Variants in GLIS3 observed in about 807,000 individuals in gnomAD.
GLIS3 encodes the protein zinc finger protein GLIS3.
A neutral mutation model predicts 78.6 loss-of-function variants in GLIS3; 53 were observed. The ratio of observed to expected loss-of-function variants is 0.67; its 90% confidence interval spans 0.54 to 0.85. The LOEUF is 0.85. Ranked by LOEUF, GLIS3 falls within the 40% of genes least tolerant of loss-of-function variation. The pLI is 0.00. For synonymous variants in GLIS3, 684 were observed against 509.9 expected, an observed-to-expected ratio of 1.34 and a Z score of -4.60; for missense variants, 1,703 against 1,231.1, an observed-to-expected ratio of 1.38 and a Z score of -5.74.
At chr9:3,954,603 A>G (rs1414075900) in intron 4 of GLIS3, among the ~76,000 whole-genome samples, 1 of 152,236 alleles carries the variant, frequency 6.6e-6, no homozygotes, top group Non-Finnish European at 1.5e-5. Context: ...CAAATTTCCT[A>G]CAGTATTCAA....
intron 2 of GLIS3, among the ~76,000 whole-genome samples, chr9:4,339,692 C>G (rs1159868296): frequency 7.1e-6 from 1 of 140,332 alleles, no homozygotes; most frequent in Non-Finnish European, 1.5e-5. Context: ...AGTGACATTT[C>G]AAAGCCAGAT....
chr9:4,489,717 T>A, the GLIS3 span, among the ~76,000 whole-genome samples: 1 of 152,164 alleles, frequency 6.6e-6, no homozygotes, highest in African/African-American at 2.4e-5. Flanking sequence ...CGGGTCCGGT[T>A]CTCAGTTCTA....
chr9:4,338,116 A>G (rs1817779420), intron 2 of GLIS3, among the ~76,000 whole-genome samples: 1 of 151,914 alleles, frequency 6.6e-6, no homozygotes, highest in Non-Finnish European at 1.5e-5. Flanking sequence ...TTCTTTTCAC[A>G]GGAGTCAGGA....
chr9:4,464,859 A>G, the GLIS3 span, among the ~76,000 whole-genome samples: 13 of 152,242 alleles, frequency 8.5e-5, no homozygotes, highest in Admixed American at 5.9e-4. Flanking sequence ...TTCACATTTG[A>G]GTTTAAACCT....
chr9:3,906,462 G>T (rs1024520578), intron 6 of GLIS3, among the ~76,000 whole-genome samples: 2 of 152,144 alleles, frequency 1.3e-5, no homozygotes, highest in Non-Finnish European at 2.9e-5. Flanking sequence ...GCCAAGCATG[G>T]CCTTAAGTTT....
At chr9:4,351,892 GA>G (rs1436732474), upstream of GLIS3, among the ~76,000 whole-genome samples, 1 of 152,132 alleles carries the variant, frequency 6.6e-6, no homozygotes, top group African/African-American at 2.4e-5. Context: ...ACAGGATTCT[GA>G]ATCTGGAGAA....
chr9:3,873,830 T>A (rs1345296130), intron 8 of GLIS3, among the ~76,000 whole-genome samples: 1 of 25,020 alleles, frequency 4.0e-5, no homozygotes, highest in African/African-American at 9.7e-5. Flanking sequence ...CAATACTCCA[T>A]AGAGACTAAA....
At chr9:3,923,365 C>A (rs1258949757) in intron 6 of GLIS3, among the ~76,000 whole-genome samples, 1 of 152,056 alleles carries the variant, frequency 6.6e-6, no homozygotes, top group Non-Finnish European at 1.5e-5. Flanking sequence ...TCACTGTGAC[C>A]CTTGCTGACA....
At chr9:3,864,095 G>A (rs1431654524) in intron 8 of GLIS3, among the ~76,000 whole-genome samples, 1 of 151,934 alleles carries the variant, frequency 6.6e-6, no homozygotes, top group Non-Finnish European at 1.5e-5. Flanking sequence ...CCAAACTGAA[G>A]AAAATTTATC....
intron 4 of GLIS3, among the ~76,000 whole-genome samples, chr9:4,080,116 C>T (rs1417732390): frequency 1.3e-5 from 2 of 152,190 alleles, no homozygotes; most frequent in Admixed American, 6.5e-5. Flanking sequence ...TTGGAACCCC[C>T]CTGGCTTTAT....
Position 3,870,389 on chromosome 9 carries a change from T to C in GLIS3, c.2297+9038A>G, listed in dbSNP as rs138378538. On this transcript the variant is annotated intron_variant, in intron 8 of 10. Transcript: ENST00000381971. ...AAATTAAGATGAAAATTAAAAATTT[T>C]CTTGAAACAAATGAAAATGAAAATA... 6.1e-3 allele frequency among the ~76,000 whole-genome samples: 932 copies of C among 152,294 alleles called. 7 individuals are homozygous for C. The highest frequency in any genetic ancestry group is 0.021 in the African/African-American group (868 of 41,550).
At chr9:3,991,811 C>T (rs994418453) in intron 4 of GLIS3, among the ~76,000 whole-genome samples, 15 of 151,672 alleles carry the variant, frequency 9.9e-5, no homozygotes, top group African/African-American at 3.4e-4. Context: ...CTGCCTCAGC[C>T]TCCCGAGTAG....
chr9:4,416,154 A>G, the GLIS3 span, among the ~76,000 whole-genome samples: 1 of 149,334 alleles, frequency 6.7e-6, no homozygotes, highest in East Asian at 2.0e-4. Flanking sequence ...TGGGAGATCA[A>G]GGCAAGAGGA....
chr9:4,457,405 T>TTG, the GLIS3 span, among the ~76,000 whole-genome samples: 3 of 151,820 alleles, frequency 2.0e-5, no homozygotes, highest in Non-Finnish European at 4.4e-5. Flanking sequence ...AGGGAATTGA[T>TTG]TGCATTGATT....
At chr9:4,105,596 T>C (rs1586682276) in intron 4 of GLIS3, among the ~76,000 whole-genome samples, 1 of 152,206 alleles carries the variant, frequency 6.6e-6, no homozygotes, top group Admixed American at 6.5e-5. Context: ...AAATTGCCCA[T>C]TGATTTACCA....
chr9:4,234,313 C>A (rs1008609639), intron 2 of GLIS3, among the ~76,000 whole-genome samples: 15 of 152,172 alleles, frequency 9.9e-5, no homozygotes, highest in Non-Finnish European at 2.1e-4. Context: ...ATGTGCGACT[C>A]CTCCTTTCAC....
chr9:4,032,119 A>C (rs943332350), intron 4 of GLIS3, among the ~76,000 whole-genome samples: 3 of 152,232 alleles, frequency 2.0e-5, no homozygotes, highest in African/African-American at 7.2e-5. Flanking sequence ...ACCCACCGTC[A>C]GGCAGATCTA....
At chr9:3,870,809 G>C (rs1820925055) in intron 8 of GLIS3, among the ~76,000 whole-genome samples, 1 of 152,190 alleles carries the variant, frequency 6.6e-6, no homozygotes, top group Non-Finnish European at 1.5e-5. Context: ...TCCACCCCTG[G>C]CCCATGCCAA....
At chr9:4,054,640 C>T (rs1563991720) in intron 4 of GLIS3, 1 of 241,516 alleles carries the variant, frequency 4.1e-6, no homozygotes, top group South Asian at 1.5e-4. Flanking sequence ...TGAAACTTGA[C>T]CTAATTATTT....
Sources: allele counts gnomAD v4.1 joint callset (sites outside exome capture counted in the v4.1 genomes callset), GRCh38; gene constraint gnomAD v4.1.1; transcripts MANE v1.5; gene names NCBI Gene and HGNC (gene_info 2026-07-23, HGNC 2026-07-21).